Variants in TMEM132B observed in about 807,000 individuals in gnomAD.
TMEM132B encodes transmembrane protein 132B.
TMEM132B carries 18 observed loss-of-function variants against 90.8 expected under a neutral mutation model. That is an observed-to-expected ratio of 0.20 (90% CI 0.14 to 0.29). The LOEUF is 0.29. TMEM132B is among the 10% of genes least tolerant of loss of function. TMEM132B has a pLI of 1.00. For missense variants in TMEM132B, 1,096 were observed against 1,326.8 expected (o/e 0.83, Z 2.70); for synonymous variants, 504 against 523.3 (o/e 0.96, Z 0.50).
chr12:125,646,400 G>C (rs1265254299), intron 6 of TMEM132B, among the ~76,000 whole-genome samples: 1 of 152,250 alleles, frequency 6.6e-6, no homozygotes, highest in Non-Finnish European at 1.5e-5. Flanking sequence ...AATTTTAAGA[G>C]ATTCATTGTC....
At chr12:125,420,501 G>T (rs189521170) in intron 3 of TMEM132B, among the ~76,000 whole-genome samples, 2 of 152,260 alleles carry the variant, frequency 1.3e-5, no homozygotes, top group East Asian at 3.9e-4. Flanking sequence ...CAAGTCCCTA[G>T]GCTGCACAGA....
At chr12:125,503,833 C>G (rs1297193638) in intron 3 of TMEM132B, among the ~76,000 whole-genome samples, 3 of 152,172 alleles carry the variant, frequency 2.0e-5, no homozygotes, top group African/African-American at 7.2e-5. Context: ...CAAAATATGG[C>G]AGGGTAAGAA....
At position 125,557,850 on chromosome 12, in the gene TMEM132B, G is replaced by T. The variant is rs150827412; in HGVS notation, c.1294-26001G>T. Among the ~76,000 whole-genome samples the T allele has an allele frequency of 2.1e-3, 316 of 152,228 alleles. 3 individuals are homozygous for T. The highest frequency in any genetic ancestry group is 0.016 in the East Asian group (84 of 5,170). The stretch of plus-strand genomic sequence containing the variant: ...TCAAAGGAGACAGTCTTTTCTTTAG[G>T]GATGATGTTTGAGTAGATGCTGAGG... On this transcript the variant is annotated intron_variant, in intron 4 of 8. Transcript: ENST00000682704.
At chr12:125,360,305 G>C (rs77742373) in intron 2 of TMEM132B, among the ~76,000 whole-genome samples, 1,884 of 152,212 alleles carry the variant, frequency 0.012, 44 homozygotes, top group African/African-American at 0.042. Context: ...CATTGAACCT[G>C]TACAATCTAT....
intron 2 of TMEM132B, among the ~76,000 whole-genome samples, chr12:125,402,603 G>A (rs2136323113): frequency 6.6e-6 from 1 of 152,320 alleles, no homozygotes; most frequent in Admixed American, 6.5e-5. Flanking sequence ...GATTTGCATT[G>A]CTTTTGCATT....
chr12:125,329,141 A>G (rs1876687396), intron 1 of TMEM132B, among the ~76,000 whole-genome samples: 1 of 152,172 alleles, frequency 6.6e-6, no homozygotes, highest in Admixed American at 6.5e-5. Context: ...GTGCTTTTAT[A>G]AGTAGAGAAA....
chr12:125,430,339 T>A (rs1239597556), intron 3 of TMEM132B, among the ~76,000 whole-genome samples: 1 of 152,102 alleles, frequency 6.6e-6, no homozygotes, highest in Non-Finnish European at 1.5e-5. Context: ...CGGTAGCTCA[T>A]GTAGATAATG....
intron 7 of TMEM132B, 90 bp downstream of exon 7, chr12:125,651,043 T>A: frequency 6.6e-7 from 1 of 1,513,312 alleles, no homozygotes; most frequent in Non-Finnish European, 8.9e-7. Flanking sequence ...TGTGTGCACA[T>A]GTGCATGTGG....
intron 3 of TMEM132B, among the ~76,000 whole-genome samples, chr12:125,519,216 T>G (rs1184512527): frequency 1.3e-5 from 2 of 152,334 alleles, no homozygotes; most frequent in African/African-American, 4.8e-5. Context: ...ACAGCCTGCT[T>G]TCTGCAACAC....
intron 1 of TMEM132B, among the ~76,000 whole-genome samples, chr12:125,304,189 C>T (rs528285080): frequency 2.6e-5 from 4 of 152,312 alleles, no homozygotes; most frequent in African/African-American, 7.2e-5. Flanking sequence ...TGACAGGAGG[C>T]GGAGCTCAGG....
chr12:125,627,736 C>G (rs561849280), intron 5 of TMEM132B, among the ~76,000 whole-genome samples: 15 of 152,136 alleles, frequency 9.9e-5, no homozygotes, highest in East Asian at 7.7e-4. Flanking sequence ...CATAGTCACC[C>G]TGCTGTGCTA....
intron 6 of TMEM132B, among the ~76,000 whole-genome samples, chr12:125,649,560 T>C (rs1886853701): frequency 6.6e-6 from 1 of 152,186 alleles, no homozygotes; most frequent in Non-Finnish European, 1.5e-5. Flanking sequence ...GAAGATTACA[T>C]GAATTAAATA....
chr12:125,608,346 C>T (rs1885745814), intron 5 of TMEM132B, among the ~76,000 whole-genome samples: 1 of 152,104 alleles, frequency 6.6e-6, no homozygotes, highest in Non-Finnish European at 1.5e-5. Context: ...TGATATTAAG[C>T]ATTTGTGGAT....
At chr12:125,210,039 A>G (rs533075889) in intron 1 of TMEM132B, among the ~76,000 whole-genome samples, 1 of 152,328 alleles carries the variant, frequency 6.6e-6, no homozygotes, top group South Asian at 2.1e-4. Flanking sequence ...AAGGCCAACA[A>G]AAATCTCAGC....
chr12:125,469,831 A>G lies in TMEM132B; in HGVS notation c.1107-49608A>G, dbSNP rs534312695. On this transcript the variant is annotated intron_variant, in intron 3 of 8. Coordinates refer to ENST00000682704, the MANE Select transcript of TMEM132B (RefSeq NM_001366854.1). ...AGAGGGTTGTGTGCAGAGTGCTGCA[A>G]TCATGATGAAAGCATTGTTCCCCAT... Among the ~76,000 whole-genome samples, 33 of 152,264 alleles carry G rather than the reference A, an allele frequency of 2.2e-4. No homozygotes were observed. In the South Asian group the frequency reaches 6.4e-3, roughly 30 times the overall value.
intron 5 of TMEM132B, among the ~76,000 whole-genome samples, chr12:125,633,880 G>A (rs1886421444): frequency 6.6e-6 from 1 of 152,182 alleles, no homozygotes; most frequent in South Asian, 2.1e-4. Flanking sequence ...CAGACCTGAA[G>A]CCAGCACAGC....
Position 125,374,864 on chromosome 12 carries a change from G to T in TMEM132B, c.959+24521G>T, listed in dbSNP as rs547458766. On this transcript the variant is annotated intron_variant, in intron 2 of 8. Coordinates refer to ENST00000682704, the MANE Select transcript of TMEM132B (RefSeq NM_001366854.1). Reference sequence around the variant, plus strand: ...ATACAGAAAAAAACCCTCAATTTTGGTGGCTTCATGTTGCAGAAAAATGTT... The same window carrying T: ...ATACAGAAAAAAACCCTCAATTTTGTTGGCTTCATGTTGCAGAAAAATGTT... Among the ~76,000 whole-genome samples the T allele has an allele frequency of 7.6e-4, 116 of 152,082 alleles. 1 individual carries two copies. Among genetic ancestry groups the T allele is most frequent in the Non-Finnish European group, 1.4e-3 (94 of 67,976 alleles).
At chr12:125,549,045 T>C (rs1884157655) in intron 4 of TMEM132B, among the ~76,000 whole-genome samples, 1 of 152,228 alleles carries the variant, frequency 6.6e-6, no homozygotes, top group African/African-American at 2.4e-5. Flanking sequence ...AGATCCTCTC[T>C]AAAGTTGCCT....
At chr12:125,530,786 C>T (rs1421347183) in intron 4 of TMEM132B, among the ~76,000 whole-genome samples, 3 of 152,212 alleles carry the variant, frequency 2.0e-5, no homozygotes, top group Non-Finnish European at 1.5e-5. Flanking sequence ...GGACACCAGT[C>T]CTTGCATTGA....
Sources: gnomAD v4.1 joint callset for allele counts (sites outside exome capture counted in the v4.1 genomes callset) on GRCh38, gnomAD v4.1.1 for gene constraint, MANE v1.5 for transcripts, NCBI Gene and HGNC (gene_info 2026-07-23, HGNC 2026-07-21) for gene names.